The following ZFAT variants were observed in gnomAD, a reference collection of about 807,000 sequenced individuals.
ZFAT encodes the protein zinc finger and AT-hook domain containing, also known as zinc finger protein ZFAT.
ZFAT carries 64 observed loss-of-function variants against 117.7 expected under a neutral mutation model. The ratio of observed to expected loss-of-function variants is 0.54; its 90% CI spans 0.44 to 0.67. The LOEUF (loss-of-function observed/expected upper bound fraction) is 0.67, where lower values mean the gene tolerates loss of function less well. Among genes scored for constraint, ZFAT ranks in the 30% least tolerant of loss-of-function variants. The pLI, the probability that ZFAT is intolerant of heterozygous loss-of-function variation, is 0.00. For synonymous variants in ZFAT, 679 were observed against 615.0 expected, an observed-to-expected ratio of 1.10 and a Z score of -1.54; for missense variants, 1,433 against 1,584.5, an observed-to-expected ratio of 0.90 and a Z score of 1.62.
chr8:134,629,594 T>C (rs982243659), intron 3 of ZFAT, among the ~76,000 whole-genome samples: 7 of 152,124 alleles, frequency 4.6e-5, no homozygotes, highest in African/African-American at 1.4e-4. Flanking sequence ...CTCATAATAG[T>C]GAGATCTGAT....
the ZFAT span, among the ~76,000 whole-genome samples, chr8:134,770,659 C>G: frequency 6.6e-6 from 1 of 152,186 alleles, no homozygotes; most frequent in Admixed American, 6.5e-5. Flanking sequence ...GAGAGATAAC[C>G]TTAAACTCTG....
chr8:134,779,355 T>C, the ZFAT span, among the ~76,000 whole-genome samples: 1 of 151,812 alleles, frequency 6.6e-6, no homozygotes, highest in Non-Finnish European at 1.5e-5. Context: ...GGTTAAAATG[T>C]TGCAAAACTG....
chr8:134,692,803 A>G lies in ZFAT; in HGVS notation c.19+20042T>C, dbSNP rs112412003. 1.5e-3 allele frequency among the ~76,000 whole-genome samples: 232 copies of G among 152,366 alleles called. 1 individual carries two copies. The highest frequency in any genetic ancestry group is 5.4e-3 in the African/African-American group (224 of 41,584). ...AATTAAATACTGAACTCTAGGTAGC[A>G]GGCTTCTTTTTCACAAAGACATGGT... On this transcript the variant is annotated intron_variant, in intron 1 of 15. Transcript: ENST00000377838.
At chr8:134,571,346 A>C (rs1824885337) in intron 10 of ZFAT, among the ~76,000 whole-genome samples, 1 of 152,236 alleles carries the variant, frequency 6.6e-6, no homozygotes, top group Admixed American at 6.5e-5. Flanking sequence ...CCGCATGAGG[A>C]AGAGGTGAAC....
intron 2 of ZFAT, among the ~76,000 whole-genome samples, chr8:134,645,175 T>C (rs1830810252): frequency 6.6e-6 from 1 of 152,218 alleles, no homozygotes; most frequent in South Asian, 2.1e-4. Context: ...AGGATTTCAG[T>C]GGCTTCACGT....
intron 11 of ZFAT, among the ~76,000 whole-genome samples, chr8:134,564,596 A>C (rs922720186): frequency 2.6e-5 from 4 of 152,236 alleles, no homozygotes; most frequent in African/African-American, 9.6e-5. Context: ...AATGGTAGAC[A>C]TAATTTCAAA....
the ZFAT span, among the ~76,000 whole-genome samples, chr8:134,809,332 T>C: frequency 6.6e-6 from 1 of 152,190 alleles, no homozygotes; most frequent in African/African-American, 2.4e-5. Flanking sequence ...TCCTGACCCA[T>C]ACAGAATCTT....
intron 1 of ZFAT, among the ~76,000 whole-genome samples, chr8:134,704,701 G>A (rs1338444660): frequency 6.6e-6 from 1 of 152,132 alleles, no homozygotes; most frequent in Non-Finnish European, 1.5e-5. Context: ...GTTCAGGAGT[G>A]AACTGATGCA....
At chr8:134,738,991 G>A in the ZFAT span, among the ~76,000 whole-genome samples, 1 of 152,146 alleles carries the variant, frequency 6.6e-6, no homozygotes, top group Non-Finnish European at 1.5e-5. Flanking sequence ...CCCCAAATCA[G>A]CAACACCTTC....
rs1219998014 is a variant in ZFAT at position 134,695,411 on chromosome 8, G to A, written c.19+17434C>T. Among the ~76,000 whole-genome samples the A allele has an allele frequency of 3.5e-5, 5 of 144,044 alleles. No individual in the cohort carries two copies. The East Asian group carries it at 8.4e-4, about 24-fold the overall frequency. 94.5% of individuals were successfully genotyped at this position (144,044 alleles called of 152,430 possible). ...CTAAGGATGCGCCGCCCCCAGGCCC[G>A]GCCATCTCCAACCAAGGAGGCGACA... is the stretch of plus-strand genomic sequence containing the variant. On this transcript the variant is annotated intron_variant, in intron 1 of 15. Transcript: ENST00000377838.
the ZFAT span, among the ~76,000 whole-genome samples, chr8:134,740,357 A>C: frequency 1.3e-5 from 2 of 152,264 alleles, no homozygotes; most frequent in Non-Finnish European, 2.9e-5. Context: ...GGAAGGTGAA[A>C]GTGAACTTGT....
chr8:134,676,162 G>C (rs1048653206), intron 1 of ZFAT, among the ~76,000 whole-genome samples: 6 of 148,088 alleles, frequency 4.1e-5, no homozygotes, highest in Admixed American at 3.4e-4. Flanking sequence ...ATTAGATAAA[G>C]AGTGTGCTGT....
At chr8:134,807,607 C>G in the ZFAT span, among the ~76,000 whole-genome samples, 1 of 151,284 alleles carries the variant, frequency 6.6e-6, no homozygotes, top group Non-Finnish European at 1.5e-5. Context: ...AAGGTAAACA[C>G]AAAGAGTAGT....
chr8:134,701,159 A>G (rs1186280069), intron 1 of ZFAT, among the ~76,000 whole-genome samples: 1 of 152,206 alleles, frequency 6.6e-6, no homozygotes, highest in Non-Finnish European at 1.5e-5. Context: ...CTCTATGTCC[A>G]TTAAACACTA....
chr8:134,479,369 A>T (rs575429123), intron 15 of ZFAT, among the ~76,000 whole-genome samples: 30 of 152,344 alleles, frequency 2.0e-4, no homozygotes, highest in Non-Finnish European at 3.7e-4. Context: ...GGTATCCGTC[A>T]GGGGATGGGA....
At chr8:134,805,867 A>G in the ZFAT span, among the ~76,000 whole-genome samples, 1 of 152,068 alleles carries the variant, frequency 6.6e-6, no homozygotes, top group Non-Finnish European at 1.5e-5. Context: ...GGTCCCAGCT[A>G]TTCGGGAGGC....
chr8:134,550,556 T>G (rs1823086073), intron 11 of ZFAT, among the ~76,000 whole-genome samples: 1 of 152,244 alleles, frequency 6.6e-6, no homozygotes, highest in Non-Finnish European at 1.5e-5. Flanking sequence ...TTGCCTTTTG[T>G]GCAAGCTTAG....
chr8:134,496,086 G>A (rs1186732953), intron 15 of ZFAT, among the ~76,000 whole-genome samples: 1 of 152,206 alleles, frequency 6.6e-6, no homozygotes, highest in South Asian at 2.1e-4. Flanking sequence ...AAGAGGAAAG[G>A]AGCTATGCTG....
intron 8 of ZFAT, among the ~76,000 whole-genome samples, chr8:134,588,659 G>A (rs1279397128): frequency 6.6e-6 from 1 of 152,156 alleles, no homozygotes. Context: ...CTGTCTAAAG[G>A]AAAAGTGACT....
Sources: allele counts gnomAD v4.1 joint callset (sites outside exome capture counted in the v4.1 genomes callset), GRCh38; gene constraint gnomAD v4.1.1; transcripts MANE v1.5; gene names NCBI Gene and HGNC (gene_info 2026-07-23, HGNC 2026-07-21).